The following SLC12A7 variants were observed in gnomAD, a reference collection of about 807,000 sequenced individuals.
The protein encoded by SLC12A7 is K-Cl cotransporter 4.
In SLC12A7, 100 loss-of-function variants were observed where a neutral mutation model predicts 120.6. That is an observed-to-expected ratio of 0.83 (90% confidence interval 0.71 to 0.98). The LOEUF (loss-of-function observed/expected upper bound fraction) is 0.98, where lower values mean the gene tolerates loss of function less well. Among genes scored for constraint, SLC12A7 ranks in the 50% least tolerant of loss-of-function variants. The probability of loss-of-function intolerance (pLI) is 0.00; values close to 1 mark genes in which losing one functional copy is unlikely to be tolerated. For missense variants in SLC12A7, 1,373 were observed against 1,548.1 expected, an observed-to-expected ratio of 0.89 and a Z score of 1.90; for synonymous variants, 760 against 678.0, an observed-to-expected ratio of 1.12 and a Z score of -1.88.
chr5:1,131,665 C>T, the SLC12A7 span, among the ~76,000 whole-genome samples: 1 of 152,212 alleles, frequency 6.6e-6, no homozygotes, highest in Non-Finnish European at 1.5e-5. Flanking sequence ...CACCCTGGAA[C>T]GGCTGCTGGG....
the SLC12A7 span, among the ~76,000 whole-genome samples, chr5:1,155,734 C>T: frequency 3.3e-5 from 5 of 150,900 alleles, no homozygotes; most frequent in African/African-American, 4.8e-5. Flanking sequence ...TCAGGCGGCT[C>T]GGGCGCGGCT....
At chr5:1,096,827 A>ATG (rs1741275588) in intron 1 of SLC12A7, among the ~76,000 whole-genome samples, 1 of 57,496 alleles carries the variant, frequency 1.7e-5, no homozygotes, top group Non-Finnish European at 3.5e-5. Flanking sequence ...GAAGGGAGGG[A>ATG]AGGAAGGAGG....
intron 8 of SLC12A7, among the ~76,000 whole-genome samples, chr5:1,082,927 G>A (rs1217150105): frequency 2.7e-5 from 4 of 147,500 alleles, no homozygotes; most frequent in Admixed American, 6.7e-5. Flanking sequence ...CTCGGGTTCT[G>A]GAAAGCCTGG....
rs569457902 is a variant in SLC12A7, at chr5:1,097,692, G to T, written c.125-3444C>A. Among the ~76,000 whole-genome samples the T allele has an allele frequency of 5.7e-4, 87 of 152,298 alleles. 1 individual carries two copies. Among genetic ancestry groups the T allele is most frequent in the African/African-American group, 1.8e-3 (76 of 41,542 alleles). On this transcript the variant is annotated intron_variant, in intron 1 of 23. Transcript: ENST00000264930. ...AGAACGCGAGGACGCACAGAAAAGG[G>T]GGACGGAATACAGAAAAGCAGGGTG...
chr5:1,058,904 G>GC (rs1462836326), intron 21 of SLC12A7, among the ~76,000 whole-genome samples: 1 of 151,722 alleles, frequency 6.6e-6, no homozygotes, highest in Non-Finnish European at 1.5e-5. Flanking sequence ...CTTCTGCAGA[G>GC]CGGTGACACC....
At chr5:1,137,014 G>A in the SLC12A7 span, among the ~76,000 whole-genome samples, 517 of 150,530 alleles carry the variant, frequency 3.4e-3, 3 homozygotes, top group Non-Finnish European at 6.4e-3. Context: ...CACACCAACA[G>A]CAGGACACAC....
chr5:1,145,512 A>G, the SLC12A7 span, among the ~76,000 whole-genome samples: 1 of 152,238 alleles, frequency 6.6e-6, no homozygotes. This position sits in a 1 kb window ranked among gnomAD's most constrained non-coding sequence, Gnocchi z 4.4. Flanking sequence ...GCCCACAGGA[A>G]GTCAGAGGCT....
the SLC12A7 span, among the ~76,000 whole-genome samples, chr5:1,131,318 CAG>C: frequency 3.9e-5 from 6 of 152,302 alleles, no homozygotes; most frequent in East Asian, 9.7e-4. Context: ...CACTTGCAGA[CAG>C]GGGCATTCCT....
In SLC12A7 at chr5:1,089,141, A is replaced by C. The variant is rs377767049; in HGVS notation, c.343-13T>G. On this transcript the variant is annotated splice_polypyrimidine_tract_variant and intron_variant, in intron 3 of 23. Coordinates refer to ENST00000264930, the MANE Select transcript of SLC12A7 (RefSeq NM_006598.3). ...CCATGCGCGGAGCCTGCGACAGAGC[A>C]TAGCGTGTCCCAGGGGCTCGTACCC... 168 of 1,611,576 alleles carry C rather than the reference A, an allele frequency of 1.0e-4. No individual in the cohort carries two copies. Among genetic ancestry groups the C allele is most frequent in the Non-Finnish European group, 1.4e-4 (165 of 1,179,702 alleles).
chr5:1,064,903 C>CGAGGGGACGGCGAGGAGATGGT (rs1561043465), intron 18 of SLC12A7, among the ~76,000 whole-genome samples: 2 of 84,694 alleles, frequency 2.4e-5, no homozygotes, highest in African/African-American at 4.5e-5. Context: ...GAGGGGACCG[C>CGAGGGGACGGCGAGGAGATGGT]GAGGGGACGG....
rs1736610710 is a variant in SLC12A7, at chr5:1,063,867, C to T, written c.2716G>A (p.Ala906Thr). 13 of 1,609,268 alleles carry T rather than the reference C, an allele frequency of 8.1e-6. No individual in the cohort carries two copies. The highest frequency in any genetic ancestry group is 2.2e-5 in the East Asian group (1 of 44,706). The change falls in exon 20 of 24, where the codon GCC becomes ACC. Residue 906 changes from alanine to threonine, a missense_variant. Ala to Thr is a moderately conservative substitution (Grantham distance 58, BLOSUM62 0). Coordinates refer to ENST00000264930, the MANE Select transcript of SLC12A7 (RefSeq NM_006598.3). The stretch of plus-strand genomic sequence containing the variant: ...ACCATCTCCACCACCTCCACCTCGG[C>T]GCTGATGCGCAAGTGGTACAAGAAC... ...QMFLYHLRIS[A>T]EVEVVEMVEN...
At chr5:1,126,953 G>A in the SLC12A7 span, among the ~76,000 whole-genome samples, 8 of 152,168 alleles carry the variant, frequency 5.3e-5, no homozygotes, top group Non-Finnish European at 1.0e-4. Flanking sequence ...GCTCCTTGCA[G>A]TTGGGACCAC....
intron 9 of SLC12A7, among the ~76,000 whole-genome samples, chr5:1,081,327 C>T (rs534816539): frequency 2.6e-5 from 4 of 151,978 alleles, no homozygotes; most frequent in South Asian, 2.1e-4. Flanking sequence ...GGCGTGGTAC[C>T]GTGTGCCTGG....
chr5:1,050,883 C>T lies in SLC12A7; in HGVS notation c.*1477G>A. Reference sequence around the variant, plus strand: ...GGCTCCTCAGAAACATCTGGGGGCACAAGTGCAGCCTCTGCCCCGATTTGA... The same window carrying T: ...GGCTCCTCAGAAACATCTGGGGGCATAAGTGCAGCCTCTGCCCCGATTTGA... On this transcript the variant is annotated 3_prime_UTR_variant, in exon 24 of 24. Transcript: ENST00000264930. 2.5e-6 allele frequency: 1 copy of T among 398,676 alleles called. No homozygotes were observed. Among genetic ancestry groups the T allele is most frequent in the Non-Finnish European group, 4.4e-6 (1 of 226,072 alleles). The allele number at this position is 398,676 out of a possible 1,614,324, so 24.7% of individuals were successfully genotyped here.
chr5:1,073,481 T>A, intron 17 of SLC12A7, 152 bp downstream of exon 17: 2 of 848,188 alleles, frequency 2.4e-6, no homozygotes, highest in Non-Finnish European at 1.7e-6. Flanking sequence ...CTTAGCGCGC[T>A]GCTCTGAGCT....
chr5:1,142,383 T>C, the SLC12A7 span, among the ~76,000 whole-genome samples: 1 of 69,940 alleles, frequency 1.4e-5, no homozygotes, highest in Non-Finnish European at 2.7e-5. Flanking sequence ...CTCTCCTGTC[T>C]CCCCTCTCCC....
At chr5:1,098,083 C>CACCCCCTCCAACCCTCT (rs1741484797) in intron 1 of SLC12A7, among the ~76,000 whole-genome samples, 1 of 146,488 alleles carries the variant, frequency 6.8e-6, no homozygotes, top group African/African-American at 2.6e-5. Context: ...CACACCCAGC[C>CACCCCCTCCAACCCTCT]GCCCCCTCCA....
Position 1,087,039 on chromosome 5 carries a change from G to A in SLC12A7, c.545-6C>T. On this transcript the variant is annotated splice_polypyrimidine_tract_variant and splice_region_variant and intron_variant, in intron 5 of 23. Transcript: ENST00000264930. ...CATGTAGTAGGACCCGCCAGCTGCG[G>A]AGACAAAGGCGGCAGCCGCGGGTCA... 1 of 1,609,942 alleles carries A rather than the reference G, an allele frequency of 6.2e-7. No individual in the cohort carries two copies. Among genetic ancestry groups the A allele is most frequent in the Non-Finnish European group, 8.5e-7 (1 of 1,178,138 alleles).
rs1282854516 is a variant in SLC12A7 at position 1,058,229 on chromosome 5, C to T, written c.2848-580G>A. Among the ~76,000 whole-genome samples, 5 of 152,246 alleles carry T rather than the reference C, an allele frequency of 3.3e-5. No homozygotes were observed. In the South Asian group the frequency reaches 8.3e-4, roughly 25 times the overall value. Reference sequence around the variant, plus strand: ...CCGAGGAAAATGAAAACACCGTCCACGCCCCTAGCTGTAGGCGCCGAAGGG... The same window carrying T: ...CCGAGGAAAATGAAAACACCGTCCATGCCCCTAGCTGTAGGCGCCGAAGGG... On this transcript the variant is annotated intron_variant, in intron 21 of 23. Transcript: ENST00000264930.
Sources: allele counts gnomAD v4.1 joint callset (sites outside exome capture counted in the v4.1 genomes callset), GRCh38; gene constraint gnomAD v4.1.1; non-coding constraint Gnocchi (gnomAD v3.1); transcripts MANE v1.5; gene names NCBI Gene and HGNC (gene_info 2026-07-23, HGNC 2026-07-21).